Variants in SYT9 observed in about 807,000 individuals in gnomAD.
SYT9 encodes synaptotagmin-9.
Under a neutral mutation model 48.4 loss-of-function variants are expected in SYT9, and 22 were observed. The observed-to-expected ratio is 0.45, with a 90% CI of 0.32 to 0.65. The LOEUF (loss-of-function observed/expected upper bound fraction) is 0.65. Ranked by LOEUF, SYT9 falls within the 30% of genes least tolerant of loss-of-function variation. The pLI is 0.03. For synonymous variants in SYT9, 265 were observed against 245.0 expected, an observed-to-expected ratio of 1.08 and a Z score of -0.76; for missense variants, 577 against 622.0, an observed-to-expected ratio of 0.93 and a Z score of 0.77.
At chr11:7,463,769 G>C (rs7103611) in intron 6 of SYT9, among the ~76,000 whole-genome samples, 124,369 of 152,102 alleles carry the variant, frequency 0.82, 50,910 homozygotes, top group African/African-American at 0.85. Flanking sequence ...ACTCACCCAA[G>C]TGAAGGGCTG....
chr11:7,266,087 TCCA>T, intron 1 of SYT9, among the ~76,000 whole-genome samples: 1 of 152,140 alleles, frequency 6.6e-6, no homozygotes, highest in African/African-American at 2.4e-5. Context: ...TAAACATATT[TCCA>T]TTCTTATTTT....
At chr11:7,461,861 C>G (rs1193662037) in intron 6 of SYT9, among the ~76,000 whole-genome samples, 1 of 152,238 alleles carries the variant, frequency 6.6e-6, no homozygotes, top group African/African-American at 2.4e-5. Context: ...AAAAATATGA[C>G]AGTCCTTGTC....
intron 3 of SYT9, among the ~76,000 whole-genome samples, chr11:7,332,765 A>G (rs974285473): frequency 2.6e-5 from 4 of 152,192 alleles, no homozygotes; most frequent in Admixed American, 1.3e-4. Context: ...AAATTATTCC[A>G]TGGCTGAACA....
chr11:7,463,450 G>A (rs1848267644), intron 6 of SYT9, among the ~76,000 whole-genome samples: 1 of 148,218 alleles, frequency 6.7e-6, no homozygotes, highest in South Asian at 2.3e-4. Context: ...GTTTGATTTG[G>A]TTGAGATTTT....
In SYT9 at chr11:7,303,042, T is replaced by C. The variant is rs765977411; in HGVS notation, c.149T>C (p.Ile50Thr). 6.2e-7 allele frequency: 1 copy of C among 1,613,646 alleles called. No homozygotes were observed. The highest frequency in any genetic ancestry group is 1.1e-5 in the South Asian group (1 of 91,068). The change falls in exon 2 of 7, where the codon ATC (isoleucine) becomes ACC (threonine). Residue 50 changes from isoleucine to threonine, a missense_variant. Coordinates refer to ENST00000318881, the MANE Select transcript of SYT9 (RefSeq NM_175733.4). The stretch of plus-strand genomic sequence containing the variant: ...TTTGATCTTTGCTTCTTTGCAGATA[T>C]CTCAGTGAGCCTGCTGACCCTTGTG... ...RARPRLRDPD[I>T]SVSLLTLVVT...
intron 3 of SYT9, among the ~76,000 whole-genome samples, chr11:7,318,544 C>T (rs1385299300): frequency 6.6e-6 from 1 of 152,188 alleles, no homozygotes; most frequent in African/African-American, 2.4e-5. Context: ...AAACTCCTAA[C>T]CTCAGTGGAT....
intron 3 of SYT9, among the ~76,000 whole-genome samples, chr11:7,368,936 C>G (rs559841194): frequency 1.3e-4 from 20 of 152,176 alleles, no homozygotes; most frequent in Middle Eastern, 3.4e-3. Context: ...AGTGCTGCAA[C>G]AAACATATGT....
At chr11:7,444,988 G>T (rs1034935749) in intron 6 of SYT9, among the ~76,000 whole-genome samples, 65 of 152,210 alleles carry the variant, frequency 4.3e-4, no homozygotes, top group African/African-American at 1.4e-3. Flanking sequence ...GAACCCAGGA[G>T]AGAGTGTGGT....
At chr11:7,398,144 C>A (rs1033030870) in intron 3 of SYT9, among the ~76,000 whole-genome samples, 2 of 152,070 alleles carry the variant, frequency 1.3e-5, no homozygotes, top group Admixed American at 1.3e-4. Context: ...CCTTCTATTC[C>A]AAGTTTGCTG....
intron 3 of SYT9, among the ~76,000 whole-genome samples, chr11:7,330,407 A>C (rs1849506348): frequency 6.6e-6 from 1 of 152,184 alleles, no homozygotes; most frequent in Non-Finnish European, 1.5e-5. Context: ...TGCGTTGATG[A>C]CAAAGGGGCA....
chr11:7,415,113 A>G (rs778929731), intron 3 of SYT9, among the ~76,000 whole-genome samples: 12 of 79,226 alleles, frequency 1.5e-4, no homozygotes, highest in South Asian at 6.5e-4. Flanking sequence ...GGAAATGGGG[A>G]GTCTTTAGAG....
intron 6 of SYT9, 52 bp from the exon 7 acceptor site, chr11:7,466,737 GAAA>G (rs1173517149): frequency 1.9e-6 from 2 of 1,080,830 alleles, no homozygotes; most frequent in Admixed American, 4.9e-5. Flanking sequence ...AAAAAAAAAA[GAAA>G]AAAAATGTAT....
At chr11:7,340,413 A>G (rs1447316946) in intron 3 of SYT9, among the ~76,000 whole-genome samples, 2 of 152,228 alleles carry the variant, frequency 1.3e-5, no homozygotes, top group Non-Finnish European at 1.5e-5. Flanking sequence ...TAGTGCAGAC[A>G]TTTGGAGGAT....
At chr11:7,397,212 C>G (rs1448812319) in intron 3 of SYT9, among the ~76,000 whole-genome samples, 1 of 151,852 alleles carries the variant, frequency 6.6e-6, no homozygotes, top group African/African-American at 2.4e-5. Flanking sequence ...TTTTTTGTTT[C>G]TTTGTTTGCA....
intron 1 of SYT9, among the ~76,000 whole-genome samples, chr11:7,292,942 A>C (rs4758171): frequency 0.53 from 79,824 of 152,012 alleles, 21,077 homozygotes; most frequent in African/African-American, 0.57. Flanking sequence ...GTTAGGCAGC[A>C]AGTGGGGACT....
chr11:7,262,236 G>A (rs1361114698), intron 1 of SYT9, among the ~76,000 whole-genome samples: 1 of 152,126 alleles, frequency 6.6e-6, no homozygotes, highest in Non-Finnish European at 1.5e-5. Context: ...GCAGCTAGGA[G>A]AATAGAGTTG....
At chr11:7,451,509 T>A (rs1167722725) in intron 6 of SYT9, among the ~76,000 whole-genome samples, 1 of 152,172 alleles carries the variant, frequency 6.6e-6, no homozygotes, top group African/African-American at 2.4e-5. Context: ...ACATTTTCCT[T>A]TGAGGACTCA....
chr11:7,252,466 C>T lies in SYT9; in HGVS notation c.145+135C>T. The T allele has an allele frequency of 1.0e-6, 1 of 996,140 alleles. No individual in the cohort carries two copies. The highest frequency in any genetic ancestry group is 1.3e-6 in the Non-Finnish European group (1 of 750,430). The allele number at this position is 996,140 out of a possible 1,614,324, so 61.7% of individuals were successfully genotyped here. ...GCGGCCACCGAGCCAGGAGAGTGATCAAGAACCAGCGCACTGTGGCCTGAT... is the reference window on the plus strand; with the variant it reads ...GCGGCCACCGAGCCAGGAGAGTGATTAAGAACCAGCGCACTGTGGCCTGAT... On this transcript the variant is annotated intron_variant, in intron 1 of 6. Coordinates refer to ENST00000318881, the MANE Select transcript of SYT9 (RefSeq NM_175733.4). The surrounding 1 kb of genome is among the most constrained non-coding windows in gnomAD (Gnocchi z 6.3).
At chr11:7,381,013 C>G (rs986583872) in intron 3 of SYT9, among the ~76,000 whole-genome samples, 2 of 152,084 alleles carry the variant, frequency 1.3e-5, no homozygotes, top group Non-Finnish European at 2.9e-5. Context: ...TCTATTTCTC[C>G]TTCTAAACAA....
Sources: allele counts gnomAD v4.1 joint callset (sites outside exome capture counted in the v4.1 genomes callset), GRCh38; gene constraint gnomAD v4.1.1; non-coding constraint Gnocchi (gnomAD v3.1); transcripts MANE v1.5; gene names NCBI Gene and HGNC (gene_info 2026-07-23, HGNC 2026-07-21).